Variants in TSPEAR observed in about 807,000 individuals in gnomAD.
The protein encoded by TSPEAR is thrombospondin-type laminin G domain and EAR repeat-containing protein.
A neutral mutation model predicts 71.6 loss-of-function variants in TSPEAR; 69 were observed. The observed-to-expected ratio is 0.96, with a 90% CI of 0.79 to 1.18. The LOEUF is 1.18. Among genes scored for constraint, TSPEAR ranks in the 50% most tolerant of loss-of-function variants. The probability of loss-of-function intolerance (pLI) is 0.00; values close to 1 mark genes in which losing one functional copy is unlikely to be tolerated. For synonymous variants in TSPEAR, 402 were observed against 387.2 expected (o/e 1.04, Z -0.45); for missense variants, 971 against 894.9 (o/e 1.09, Z -1.09).
intron 9 of TSPEAR, chr21:44,516,055 C>G (rs1555913387): frequency 6.6e-6 from 1 of 152,282 alleles, no homozygotes. Context: ...GTGTTTGTGG[C>G]CAGGTCCCTG....
intron 2 of TSPEAR, among the ~76,000 whole-genome samples, chr21:44,542,246 G>A (rs2053233507): frequency 6.6e-6 from 1 of 152,108 alleles, no homozygotes; most frequent in Admixed American, 6.5e-5. Flanking sequence ...AGGGAGATGA[G>A]GAAATTTCAA....
chr21:44,618,173 G>C (rs1225609774), intron 1 of TSPEAR, among the ~76,000 whole-genome samples: 1 of 152,198 alleles, frequency 6.6e-6, no homozygotes. Flanking sequence ...GGATCATGGA[G>C]TTGGTTTCCC....
rs547544709 is a variant in TSPEAR, at chr21:44,686,151, A to G, written c.82+25282T>C. Among the ~76,000 whole-genome samples, 7 of 152,066 alleles carry G rather than the reference A, an allele frequency of 4.6e-5. No individual in the cohort carries two copies. In the East Asian group the frequency reaches 7.7e-4, roughly 17 times the overall value. ...GGGACCTTGAACATCCATGAGGTGGACCCCTGGCCTCACTGACAGCCCTTC... is the reference window on the plus strand; with the variant it reads ...GGGACCTTGAACATCCATGAGGTGGGCCCCTGGCCTCACTGACAGCCCTTC... On this transcript the variant is annotated intron_variant, in intron 1 of 11. Transcript: ENST00000323084.
Position 44,612,766 on chromosome 21 carries a change from T to C in TSPEAR, c.83-44761A>G, listed in dbSNP as rs1480784239. On this transcript the variant is annotated intron_variant, in intron 1 of 11. Transcript: ENST00000323084. The surrounding 1 kb of genome is among the most constrained non-coding windows in gnomAD (Gnocchi z 4.1). Reference sequence around the variant, plus strand: ...GCCCTGTGTGCCGGCCTGCCTGCTGTGTGCCTGTCCCCTCCTGTTGTGTCC... The same window carrying C: ...GCCCTGTGTGCCGGCCTGCCTGCTGCGTGCCTGTCCCCTCCTGTTGTGTCC... 27 of 1,613,476 alleles carry C rather than the reference T, an allele frequency of 1.7e-5. No individual in the cohort carries two copies. The highest frequency in any genetic ancestry group is 2.2e-5 in the East Asian group (1 of 44,830).
Position 44,671,758 on chromosome 21 carries a change from T to C in TSPEAR, c.82+39675A>G, listed in dbSNP as rs587749743. On this transcript the variant is annotated intron_variant, in intron 1 of 11. Transcript: ENST00000323084. Reference sequence around the variant, plus strand: ...GAAGAAGTGATTGTTATGTCAGATGTGCAGATATCAATATAAGGACTCAAG... The same window carrying C: ...GAAGAAGTGATTGTTATGTCAGATGCGCAGATATCAATATAAGGACTCAAG... Among the ~76,000 whole-genome samples, 39 of 152,216 alleles carry C rather than the reference T, an allele frequency of 2.6e-4. No homozygotes were observed. The South Asian group carries it at 7.7e-3, about 30-fold the overall frequency.
chr21:44,663,767 G>A lies in TSPEAR; in HGVS notation c.82+47666C>T, dbSNP rs587672883. On this transcript the variant is annotated intron_variant, in intron 1 of 11. Transcript: ENST00000323084. ...AAATATGTAAAAGAGATAAAAGGTC[G>A]TGATCATGTGAGATTTATCCCAAGA... Among the ~76,000 whole-genome samples, 6 of 152,106 alleles carry A rather than the reference G, an allele frequency of 3.9e-5. 1 individual carries two copies. Among genetic ancestry groups the A allele is most frequent in the African/African-American group, 7.2e-5 (3 of 41,536 alleles).
chr21:44,693,796 T>G (rs1469100252), intron 1 of TSPEAR, among the ~76,000 whole-genome samples: 1 of 152,082 alleles, frequency 6.6e-6, no homozygotes, highest in Non-Finnish European at 1.5e-5. Context: ...AATTACCACA[T>G]GACTCAGGAA....
At chr21:44,560,493 A>G (rs2053616413) in intron 2 of TSPEAR, among the ~76,000 whole-genome samples, 1 of 152,244 alleles carries the variant, frequency 6.6e-6, no homozygotes, top group South Asian at 2.1e-4. Flanking sequence ...CCTAATAGAC[A>G]TCTGCAGAAC....
chr21:44,500,104 G>A (rs2052001503), intron 11 of TSPEAR, among the ~76,000 whole-genome samples, 168 bp from the exon 12 acceptor site: 1 of 152,192 alleles, frequency 6.6e-6, no homozygotes, highest in Admixed American at 6.5e-5. Context: ...GGCCATGAGG[G>A]CCTTCTCATC....
At chr21:44,550,687 G>A (rs117070879) in intron 2 of TSPEAR, 32,826 of 1,613,352 alleles carry the variant, frequency 0.02, 438 homozygotes, top group Non-Finnish European at 0.025. Flanking sequence ...GGGGGACATG[G>A]CCATCAGCAG....
chr21:44,654,318 C>G (rs1364258732), intron 1 of TSPEAR: 1 of 1,613,856 alleles, frequency 6.2e-7, no homozygotes, highest in South Asian at 1.1e-5. Context: ...GTCTATAGAC[C>G]AGGGTGGGGC....
rs1056065423 is a variant in TSPEAR at position 44,692,341 on chromosome 21, G to C, written c.82+19092C>G. Among the ~76,000 whole-genome samples, 16 of 152,212 alleles carry C rather than the reference G, an allele frequency of 1.1e-4. No individual in the cohort carries two copies. The East Asian group carries it at 1.2e-3, about 11-fold the overall frequency. ...ACCACCAATATTCAACATTGTACTG[G>C]AAGTTCTAGCCAGAGCTATTAAACA... On this transcript the variant is annotated intron_variant, in intron 1 of 11. Coordinates refer to ENST00000323084, the MANE Select transcript of TSPEAR (RefSeq NM_144991.3).
intron 1 of TSPEAR, among the ~76,000 whole-genome samples, chr21:44,654,958 C>G (rs1985053887): frequency 6.6e-6 from 1 of 152,180 alleles, no homozygotes; most frequent in Non-Finnish European, 1.5e-5. Context: ...CCATCTGGAG[C>G]TCACACAAGC....
At position 44,572,794 on chromosome 21, in the gene TSPEAR, T is replaced by C. The variant is rs138287161; in HGVS notation, c.83-4789A>G. ...AGGAGGCTGTTAGGATAGGCCCTAC[T>C]GCAATAATGCTTTGTATCCTTATAA... On this transcript the variant is annotated intron_variant, in intron 1 of 11. Coordinates refer to ENST00000323084, the MANE Select transcript of TSPEAR (RefSeq NM_144991.3). Among the ~76,000 whole-genome samples the C allele has an allele frequency of 2.1e-3, 317 of 149,696 alleles. 2 individuals are homozygous for C. Among genetic ancestry groups the C allele is most frequent in the African/African-American group, 7.4e-3 (299 of 40,542 alleles).
chr21:44,599,425 A>G (rs1980621725), intron 1 of TSPEAR, among the ~76,000 whole-genome samples: 1 of 152,182 alleles, frequency 6.6e-6, no homozygotes, highest in Non-Finnish European at 1.5e-5. Context: ...CCCCACCAGA[A>G]GGGCCCCTGG....
At chr21:44,697,500 G>A (rs1987419058) in intron 1 of TSPEAR, 6 of 1,613,902 alleles carry the variant, frequency 3.7e-6, no homozygotes, top group Non-Finnish European at 5.1e-6. Flanking sequence ...TCCTCCCCCT[G>A]CCAGCAGGCC....
intron 1 of TSPEAR, among the ~76,000 whole-genome samples, chr21:44,691,087 C>T (rs1987103748): frequency 6.6e-6 from 1 of 151,890 alleles, no homozygotes; most frequent in Non-Finnish European, 1.5e-5. Flanking sequence ...CCCTCGCCTC[C>T]TCTCCCCTTC....
chr21:44,613,080 T>G, intron 1 of TSPEAR: 1 of 752,194 alleles, frequency 1.3e-6, no homozygotes, highest in Non-Finnish European at 2.1e-6. Flanking sequence ...TTCCAGCAGG[T>G]GCCCACCTGC....
intron 10 of TSPEAR, chr21:44,508,018 A>G (rs904612162): frequency 1.3e-5 from 2 of 152,200 alleles, no homozygotes; most frequent in East Asian, 3.9e-4. Flanking sequence ...GTAAGTTAAC[A>G]TTGTCATCCT....
Sources: gnomAD v4.1 joint callset for allele counts (sites outside exome capture counted in the v4.1 genomes callset) on GRCh38, gnomAD v4.1.1 for gene constraint, Gnocchi (gnomAD v3.1) non-coding constraint, MANE v1.5 for transcripts, NCBI Gene and HGNC (gene_info 2026-07-23, HGNC 2026-07-21) for gene names.